The following IFT80 variants were observed in gnomAD, a reference collection of about 807,000 sequenced individuals.
The protein encoded by IFT80 is intraflagellar transport protein 80 homolog.
In IFT80, 79 loss-of-function variants were observed where a neutral mutation model predicts 107.9. That is an observed-to-expected ratio of 0.73 (90% CI 0.61 to 0.88). The LOEUF (loss-of-function observed/expected upper bound fraction) is 0.88. Ranked by LOEUF, IFT80 falls within the 40% of genes least tolerant of loss-of-function variation. The probability of loss-of-function intolerance (pLI) is 0.00; values close to 1 mark genes in which losing one functional copy is unlikely to be tolerated. For synonymous variants in IFT80, 299 were observed against 300.9 expected, an observed-to-expected ratio of 0.99 and a Z score of 0.07; for missense variants, 797 against 914.2, an observed-to-expected ratio of 0.87 and a Z score of 1.65.
intron 5 of IFT80, chr3:160,373,714 A>C (rs1401354271): frequency 1.2e-5 from 2 of 168,460 alleles, no homozygotes; most frequent in Non-Finnish European, 2.5e-5. Context: ...CAGGCATTAG[A>C]TTCTCATAAG....
chr3:160,386,338 T>C (rs1418306134), intron 1 of IFT80, among the ~76,000 whole-genome samples: 2 of 152,220 alleles, frequency 1.3e-5, no homozygotes, highest in East Asian at 3.8e-4. Flanking sequence ...TTTGGGGAAG[T>C]GCAGAGCTGC....
At position 160,301,018 on chromosome 3, in the gene IFT80, T is replaced by C. The variant is rs758632224; in HGVS notation, c.1180A>G (p.Ile394Val). The C allele has an allele frequency of 3.1e-6, 5 of 1,588,374 alleles. No homozygotes were observed. Among genetic ancestry groups the C allele is most frequent in the East Asian group, 2.2e-5 (1 of 44,504 alleles). ...CGCCCTTCATATGAATATAAATAGA[T>C]ACTACTACCATCTACAAGAAGAAAA... ...RHFLLVDGSS[I>V]YLYSYEGRFI... Residue 394 changes from isoleucine to valine, a missense_variant, in exon 12 of 20, where the codon ATC becomes GTC. Ile to Val is a conservative substitution (Grantham distance 29). Coordinates refer to ENST00000326448, the MANE Select transcript of IFT80 (RefSeq NM_020800.3).
intron 8 of IFT80, among the ~76,000 whole-genome samples, chr3:160,340,388 G>C (rs1211591300): frequency 6.6e-6 from 1 of 152,150 alleles, no homozygotes; most frequent in Non-Finnish European, 1.5e-5. Context: ...AACATAATTT[G>C]ATTATCTTGC....
intron 8 of IFT80, among the ~76,000 whole-genome samples, chr3:160,333,957 C>T (rs1330410877): frequency 6.6e-6 from 1 of 152,094 alleles, no homozygotes; most frequent in Non-Finnish European, 1.5e-5. Context: ...TCAACACAAA[C>T]ACATAAGTAA....
chr3:160,356,946 C>T (rs1057330648), intron 7 of IFT80, among the ~76,000 whole-genome samples: 2 of 152,166 alleles, frequency 1.3e-5, no homozygotes, highest in East Asian at 1.9e-4. Flanking sequence ...TTCCTCTCTA[C>T]AAATTATTTT....
intron 12 of IFT80, among the ~76,000 whole-genome samples, chr3:160,299,679 A>C (rs936287853): frequency 6.6e-6 from 1 of 152,106 alleles, no homozygotes; most frequent in Non-Finnish European, 1.5e-5. Context: ...AAGCGCTAGC[A>C]GTATACCAAT....
chr3:160,316,664 C>T (rs1717846387), intron 9 of IFT80, among the ~76,000 whole-genome samples: 1 of 152,132 alleles, frequency 6.6e-6, no homozygotes, highest in South Asian at 2.1e-4. Context: ...TCCTTCCACT[C>T]TTCTCAGTGA....
rs569609815 is a variant in IFT80 at position 160,259,057 on chromosome 3, G to A, written c.2224-422C>T. ...CTCAAGGTCAAGGCTGCAGTGAGCCGTGATTGCACCATTGCACTCCAGCCT... is the reference window on the plus strand; with the variant it reads ...CTCAAGGTCAAGGCTGCAGTGAGCCATGATTGCACCATTGCACTCCAGCCT... On this transcript the variant is annotated intron_variant, in intron 19 of 19. Transcript: ENST00000326448. 9.0e-4 allele frequency among the ~76,000 whole-genome samples: 137 copies of A among 152,222 alleles called. 1 individual carries two copies. In the South Asian group the frequency reaches 0.026, roughly 29 times the overall value.
chr3:160,329,784 T>C (rs888314625), intron 8 of IFT80, among the ~76,000 whole-genome samples: 2 of 152,160 alleles, frequency 1.3e-5, no homozygotes, highest in African/African-American at 4.8e-5. Context: ...TTCTGAAGGC[T>C]TCCATGTTAT....
chr3:160,291,989 A>G (rs1715596328), intron 12 of IFT80, among the ~76,000 whole-genome samples: 1 of 152,240 alleles, frequency 6.6e-6, no homozygotes, highest in South Asian at 2.1e-4. Flanking sequence ...CTGAGGCACA[A>G]AATACCAGTA....
At chr3:160,286,298 T>C (rs927531203) in intron 12 of IFT80, among the ~76,000 whole-genome samples, 1 of 152,202 alleles carries the variant, frequency 6.6e-6, no homozygotes, top group Non-Finnish European at 1.5e-5. Flanking sequence ...ATTTATTAGC[T>C]TGCATGGGGG....
intron 4 of IFT80, among the ~76,000 whole-genome samples, chr3:160,376,998 C>A (rs1267764943): frequency 2.6e-5 from 4 of 152,122 alleles, no homozygotes; most frequent in Non-Finnish European, 5.9e-5. Context: ...CAGAAACTAT[C>A]AGGTACTATA....
At position 160,391,944 on chromosome 3, in the gene IFT80, C is replaced by T. The variant is rs115469043; in HGVS notation, c.-47+7202G>A. Among the ~76,000 whole-genome samples the T allele has an allele frequency of 3.2e-3, 492 of 152,270 alleles. 1 individual carries two copies. Among genetic ancestry groups the T allele is most frequent in the African/African-American group, 0.011 (460 of 41,550 alleles). Reference sequence around the variant, plus strand: ...TCTTGAATGTGGAGACTGAGGTAAACAGGGATGTAAGGTATGACACAGTAG... The same window carrying T: ...TCTTGAATGTGGAGACTGAGGTAAATAGGGATGTAAGGTATGACACAGTAG... On this transcript the variant is annotated intron_variant, in intron 1 of 19. Transcript: ENST00000326448.
intron 18 of IFT80, among the ~76,000 whole-genome samples, chr3:160,275,987 C>A (rs111404132): frequency 0.016 from 2,358 of 152,122 alleles, 66 homozygotes; most frequent in African/African-American, 0.053. Context: ...CCTGCCTCAG[C>A]CTTCTGAGTA....
chr3:160,300,718 A>C (rs893227694), intron 12 of IFT80, among the ~76,000 whole-genome samples, 165 bp downstream of exon 12: 1 of 152,118 alleles, frequency 6.6e-6, no homozygotes, highest in Non-Finnish European at 1.5e-5. Flanking sequence ...TGACAACTTC[A>C]GCTGCTTAAT....
chr3:160,283,680 A>C (rs896693100), intron 13 of IFT80, among the ~76,000 whole-genome samples: 4 of 152,202 alleles, frequency 2.6e-5, no homozygotes, highest in African/African-American at 9.6e-5. Context: ...CATCGTCATC[A>C]TCATCATCAG....
At chr3:160,394,218 G>A (rs1044375904) in intron 1 of IFT80, 1 of 152,260 alleles carries the variant, frequency 6.6e-6, no homozygotes, top group Non-Finnish European at 1.5e-5. Context: ...TTTATCAGGG[G>A]TGTCCAATCT....
At chr3:160,372,306 A>T (rs1203989914) in intron 5 of IFT80, among the ~76,000 whole-genome samples, 3 of 152,102 alleles carry the variant, frequency 2.0e-5, no homozygotes, top group Admixed American at 2.0e-4. Flanking sequence ...GTAGTCTTGC[A>T]CCCCCAGCTG....
chr3:160,390,987 C>A (rs1713338560), intron 1 of IFT80, among the ~76,000 whole-genome samples: 1 of 152,160 alleles, frequency 6.6e-6, no homozygotes, highest in Admixed American at 6.5e-5. Flanking sequence ...ATGGTAACAC[C>A]AGGAAGTTAC....
Sources: allele counts gnomAD v4.1 joint callset (sites outside exome capture counted in the v4.1 genomes callset), GRCh38; gene constraint gnomAD v4.1.1; transcripts MANE v1.5; gene names NCBI Gene and HGNC (gene_info 2026-07-23, HGNC 2026-07-21).